Variants in OSBPL1A observed in about 807,000 individuals in gnomAD.
The protein encoded by OSBPL1A is oxysterol-binding protein-related protein 1.
A neutral mutation model predicts 137.1 loss-of-function variants in OSBPL1A; 80 were observed. The ratio of observed to expected loss-of-function variants is 0.58; its 90% CI spans 0.49 to 0.70. The LOEUF (loss-of-function observed/expected upper bound fraction) is 0.70, where lower values mean the gene tolerates loss of function less well. Ranked by LOEUF, OSBPL1A falls within the 30% of genes least tolerant of loss-of-function variation. The pLI is 0.00. For missense variants in OSBPL1A, 970 were observed against 1,129.4 expected (o/e 0.86, Z 2.02); for synonymous variants, 365 against 389.7 (o/e 0.94, Z 0.75).
intron 21 of OSBPL1A, among the ~76,000 whole-genome samples, 172 bp downstream of exon 21, chr18:24,177,841 A>G (rs2086489358): frequency 6.6e-6 from 1 of 152,248 alleles, no homozygotes; most frequent in Admixed American, 6.5e-5. Context: ...TTAATTAGCA[A>G]TGGCTACTGC....
intron 2 of OSBPL1A, among the ~76,000 whole-genome samples, chr18:24,374,180 A>C (rs1161831340): frequency 6.6e-6 from 1 of 152,192 alleles, no homozygotes; most frequent in Non-Finnish European, 1.5e-5. Flanking sequence ...ATCATTCTCC[A>C]TAACAAAGAT....
At chr18:24,189,359 T>TA (rs1599461831) in intron 18 of OSBPL1A, among the ~76,000 whole-genome samples, 1 of 152,212 alleles carries the variant, frequency 6.6e-6, no homozygotes, top group African/African-American at 2.4e-5. Flanking sequence ...AGTGCTAGGC[T>TA]AGGTGTGTCT....
At chr18:24,335,415 CCA>C (rs2091158885) in intron 5 of OSBPL1A, among the ~76,000 whole-genome samples, 1 of 152,150 alleles carries the variant, frequency 6.6e-6, no homozygotes, top group Non-Finnish European at 1.5e-5. Context: ...CAGGCTAGTT[CCA>C]GAGTCCATGC....
At chr18:24,258,130 A>G (rs2089336702) in intron 15 of OSBPL1A, among the ~76,000 whole-genome samples, 1 of 152,216 alleles carries the variant, frequency 6.6e-6, no homozygotes, top group East Asian at 1.9e-4. Context: ...TATTCCCAAA[A>G]AAAGGAAAAG....
At chr18:24,388,801 A>C (rs969776428) in intron 1 of OSBPL1A, among the ~76,000 whole-genome samples, 1 of 36,336 alleles carries the variant, frequency 2.8e-5, no homozygotes, top group Admixed American at 2.2e-4. Context: ...ACTCTGTCTC[A>C]AAAAAAAAAA....
At chr18:24,261,066 A>C (rs959303901) in intron 15 of OSBPL1A, among the ~76,000 whole-genome samples, 3 of 152,214 alleles carry the variant, frequency 2.0e-5, no homozygotes, top group Non-Finnish European at 4.4e-5. Context: ...ATCATTTAGC[A>C]ATAAAAAGGA....
intron 13 of OSBPL1A, among the ~76,000 whole-genome samples, chr18:24,304,174 C>G (rs1234462953): frequency 6.6e-6 from 1 of 152,154 alleles, no homozygotes; most frequent in East Asian, 1.9e-4. Context: ...CAAGCTGATT[C>G]TCGTTCAGCA....
intron 11 of OSBPL1A, 82 bp downstream of exon 11, chr18:24,317,067 A>G (rs2090749810): frequency 7.3e-7 from 1 of 1,379,108 alleles, no homozygotes; most frequent in Non-Finnish European, 1.0e-6. Flanking sequence ...AGATTTTACA[A>G]GGCTGTATAA....
At chr18:24,242,173 C>T (rs1337081424) in intron 15 of OSBPL1A, among the ~76,000 whole-genome samples, 3 of 151,744 alleles carry the variant, frequency 2.0e-5, no homozygotes, top group East Asian at 1.9e-4. Context: ...AAATTCCTAA[C>T]GCAGATGACA....
chr18:24,218,168 T>A (rs1404492431), intron 17 of OSBPL1A: 2 of 152,172 alleles, frequency 1.3e-5, no homozygotes, highest in Non-Finnish European at 2.9e-5. Context: ...CAAGAAAATG[T>A]GAATACTAAC....
intron 15 of OSBPL1A, among the ~76,000 whole-genome samples, chr18:24,249,647 T>C (rs993198750): frequency 2.0e-5 from 3 of 152,124 alleles, no homozygotes; most frequent in Non-Finnish European, 4.4e-5. Flanking sequence ...ATTGCTCCCC[T>C]GTCATAGTGG....
chr18:24,182,081 GAAA>G (rs2086621637), intron 18 of OSBPL1A, among the ~76,000 whole-genome samples: 1 of 4,684 alleles, frequency 2.1e-4, no homozygotes, highest in Non-Finnish European at 8.9e-4. Context: ...AAATGACAAT[GAAA>G]TGAAATGAAA....
chr18:24,281,817 C>T (rs904205716), intron 14 of OSBPL1A, among the ~76,000 whole-genome samples: 1 of 152,162 alleles, frequency 6.6e-6, no homozygotes, highest in Admixed American at 6.5e-5. Context: ...TCCCCAGACC[C>T]GGGCTGCAGA....
At chr18:24,296,251 A>G (rs1025435590) in intron 14 of OSBPL1A, among the ~76,000 whole-genome samples, 2 of 151,814 alleles carry the variant, frequency 1.3e-5, no homozygotes, top group African/African-American at 4.8e-5. Context: ...TACATATTTT[A>G]TTTTTTTGCA....
chr18:24,386,783 G>T (rs1906985867), intron 1 of OSBPL1A, among the ~76,000 whole-genome samples: 1 of 152,000 alleles, frequency 6.6e-6, no homozygotes. Context: ...AACCTATCAA[G>T]ACCCCATCTT....
rs752545799 is a variant in OSBPL1A, at chr18:24,317,316, A to G, written c.806+11T>C. 1.2e-6 allele frequency: 2 copies of G among 1,611,968 alleles called. No individual in the cohort carries two copies. Among genetic ancestry groups the G allele is most frequent in the Non-Finnish European group, 1.7e-6 (2 of 1,178,048 alleles). Reference sequence around the variant, plus strand: ...GTGAAATTTGATAAGTGTAAAGATCATAATACTTACTGTTTCCTATACCAT... The same window carrying G: ...GTGAAATTTGATAAGTGTAAAGATCGTAATACTTACTGTTTCCTATACCAT... On this transcript the variant is annotated intron_variant, in intron 10 of 27. Coordinates refer to ENST00000319481, the MANE Select transcript of OSBPL1A (RefSeq NM_080597.4).
At chr18:24,293,555 CCT>C (rs997724609) in intron 14 of OSBPL1A, among the ~76,000 whole-genome samples, 3 of 152,184 alleles carry the variant, frequency 2.0e-5, no homozygotes, top group African/African-American at 7.2e-5. Context: ...CCAGGAAAAT[CCT>C]CTGTGTGCAG....
In OSBPL1A at chr18:24,223,143, T is replaced by C. The variant is rs536945549; in HGVS notation, c.1601+1899A>G. On this transcript the variant is annotated intron_variant, in intron 17 of 27. Coordinates refer to ENST00000319481, the MANE Select transcript of OSBPL1A (RefSeq NM_080597.4). Reference sequence around the variant, plus strand: ...AACCCAAACTACTATGAATACAAATTATTCTTGATATCAATATAAAAACTA... The same window carrying C: ...AACCCAAACTACTATGAATACAAATCATTCTTGATATCAATATAAAAACTA... 2.0e-5 allele frequency among the ~76,000 whole-genome samples: 3 copies of C among 152,212 alleles called. No homozygotes were observed. The South Asian group carries it at 6.2e-4, about 32-fold the overall frequency.
At chr18:24,176,112 T>C (rs1285925866) in intron 21 of OSBPL1A, among the ~76,000 whole-genome samples, 1 of 152,244 alleles carries the variant, frequency 6.6e-6, no homozygotes, top group African/African-American at 2.4e-5. Flanking sequence ...TTTTCAAAAT[T>C]ATTTTGGCTG....
Sources: allele counts gnomAD v4.1 joint callset (sites outside exome capture counted in the v4.1 genomes callset), GRCh38; gene constraint gnomAD v4.1.1; transcripts MANE v1.5; gene names NCBI Gene and HGNC (gene_info 2026-07-23, HGNC 2026-07-21).